BCL2A1: variants seen among roughly 807,000 people sequenced by gnomAD.
BCL2A1 encodes BCL2 related protein A1, also known as bcl-2-related protein A1.
BCL2A1 carries 10 observed loss-of-function variants against 14.4 expected under a neutral mutation model. The observed-to-expected ratio is 0.69, with a 90% CI of 0.43 to 1.18. The LOEUF is 1.18. Among genes scored for constraint, BCL2A1 ranks in the 50% most tolerant of loss-of-function variants. BCL2A1 has a pLI of 0.00. For missense variants in BCL2A1, 158 were observed against 205.0 expected (o/e 0.77, Z 1.40); for synonymous variants, 71 against 76.5 (o/e 0.93, Z 0.38).
chr15:79,962,194 G>A (rs2035495897), intron 1 of BCL2A1, among the ~76,000 whole-genome samples: 2 of 152,110 alleles, frequency 1.3e-5, no homozygotes, highest in African/African-American at 4.8e-5. Flanking sequence ...AATGTAAACC[G>A]AGCATAACTC....
chr15:79,961,344 T>G (rs1265013832), intron 1 of BCL2A1, among the ~76,000 whole-genome samples, 170 bp from the exon 2 acceptor site: 1 of 152,234 alleles, frequency 6.6e-6, no homozygotes, highest in Non-Finnish European at 1.5e-5. Flanking sequence ...CGTCTGTAAT[T>G]TAAATTTTTT....
intron 1 of BCL2A1, among the ~76,000 whole-genome samples, chr15:79,964,468 A>G (rs1166283953): frequency 6.6e-6 from 1 of 152,178 alleles, no homozygotes; most frequent in Non-Finnish European, 1.5e-5. Flanking sequence ...CCCTGTTTCA[A>G]AAAAACAAAC....
In BCL2A1 at chr15:79,971,077, C is replaced by A; in HGVS notation, c.43G>T (p.Asp15Tyr). Reference sequence around the variant, plus strand: ...ATCTGTAGGACGCACTGCAGATAGTCCTGAGCCAGCCTGTAAATATATCCA... The same window carrying A: ...ATCTGTAGGACGCACTGCAGATAGTACTGAGCCAGCCTGTAAATATATCCA... Reference protein sequence around the residue: ...EFGYIYRLAQDYLQCVLQIPQ... With the variant: ...EFGYIYRLAQYYLQCVLQIPQ... The change falls in exon 1 of 2, where the codon GAC becomes TAC. Residue 15 changes from aspartate (D) to tyrosine (Y), a missense_variant. Asp to Tyr is a radical substitution (Grantham distance 160). Transcript: ENST00000267953. The A allele has an allele frequency of 6.2e-7, 1 of 1,614,054 alleles. No individual in the cohort carries two copies. The highest frequency in any genetic ancestry group is 1.1e-5 in the South Asian group (1 of 91,074).
At chr15:79,967,681 G>A in intron 1 of BCL2A1, 1 of 1,557,614 alleles carries the variant, frequency 6.4e-7, no homozygotes, top group Middle Eastern at 1.7e-4. Context: ...GTGTGTGATT[G>A]TGCCATTTCC....
At chr15:79,966,422 T>G (rs1231172525) in intron 1 of BCL2A1, among the ~76,000 whole-genome samples, 1 of 152,170 alleles carries the variant, frequency 6.6e-6, no homozygotes, top group Non-Finnish European at 1.5e-5. Context: ...ATGCTAGGCA[T>G]GAGGTACACA....
chr15:79,967,942 A>G (rs967049311), intron 1 of BCL2A1, among the ~76,000 whole-genome samples: 2 of 151,834 alleles, frequency 1.3e-5, no homozygotes, highest in African/African-American at 2.4e-5. Context: ...AAAAAAAAAA[A>G]GAGCTTGGAA....
chr15:79,964,659 T>A (rs1318503687), intron 1 of BCL2A1, among the ~76,000 whole-genome samples: 1 of 152,198 alleles, frequency 6.6e-6, no homozygotes, highest in Non-Finnish European at 1.5e-5. Flanking sequence ...AAGCTTACAT[T>A]TTCACGGCAG....
chr15:79,964,457 A>G (rs2035519044), intron 1 of BCL2A1, among the ~76,000 whole-genome samples: 1 of 152,156 alleles, frequency 6.6e-6, no homozygotes, highest in South Asian at 2.1e-4. Context: ...TGACAGCAAG[A>G]CCCTGTTTCA....
intron 1 of BCL2A1, among the ~76,000 whole-genome samples, chr15:79,969,941 A>G (rs1011055240): frequency 6.6e-6 from 1 of 152,088 alleles, no homozygotes; most frequent in Non-Finnish European, 1.5e-5. Context: ...ATATAAAGGA[A>G]ACCATATACA....
At chr15:79,968,795 T>C (rs1408166742) in intron 1 of BCL2A1, among the ~76,000 whole-genome samples, 1 of 152,156 alleles carries the variant, frequency 6.6e-6, no homozygotes, top group Non-Finnish European at 1.5e-5. Flanking sequence ...CTGGGTGTGG[T>C]GGCACATGCC....
chr15:79,968,901 G>T lies in BCL2A1; in HGVS notation c.420+1799C>A, dbSNP rs1295538954. On this transcript the variant is annotated intron_variant, in intron 1 of 1. Transcript: ENST00000267953. ...GCTGAGATCACACCACTGCACTCCA[G>T]CCTGGGCAACAAGAATGAAAACTCT... is the stretch of plus-strand genomic sequence containing the variant. Among the ~76,000 whole-genome samples, 4 of 152,192 alleles carry T rather than the reference G, an allele frequency of 2.6e-5. No homozygotes were observed. The East Asian group carries it at 5.8e-4, about 22-fold the overall frequency.
intron 1 of BCL2A1, among the ~76,000 whole-genome samples, chr15:79,965,311 T>C (rs998924035): frequency 6.6e-6 from 1 of 152,096 alleles, no homozygotes; most frequent in Middle Eastern, 3.2e-3. Flanking sequence ...GTATTTTTAG[T>C]AGAGACGGGG....
At chr15:79,962,193 C>A (rs1369968785) in intron 1 of BCL2A1, among the ~76,000 whole-genome samples, 1 of 152,112 alleles carries the variant, frequency 6.6e-6, no homozygotes, top group Non-Finnish European at 1.5e-5. Flanking sequence ...AAATGTAAAC[C>A]GAGCATAACT....
intron 1 of BCL2A1, among the ~76,000 whole-genome samples, chr15:79,962,692 C>T (rs766910087): frequency 1.3e-4 from 19 of 151,366 alleles, no homozygotes; most frequent in Admixed American, 2.0e-4. Flanking sequence ...GGACTACAGA[C>T]GCGCACCACC....
chr15:79,967,642 C>T (rs1401467778), intron 1 of BCL2A1: 1 of 1,597,026 alleles, frequency 6.3e-7, no homozygotes, highest in African/African-American at 1.3e-5. Flanking sequence ...CTTACCTCTT[C>T]TTGTGGGCCA....
At chr15:79,968,136 A>C (rs1028585948) in intron 1 of BCL2A1, among the ~76,000 whole-genome samples, 14 of 152,244 alleles carry the variant, frequency 9.2e-5, no homozygotes, top group Non-Finnish European at 2.1e-4. Context: ...AGGAGCTCAC[A>C]AAATTTATTG....
intron 1 of BCL2A1, 89 bp from the exon 2 acceptor site, chr15:79,961,263 C>T: frequency 3.2e-6 from 4 of 1,253,616 alleles, no homozygotes. Context: ...TTAAATAGTG[C>T]AAATAGTTAA....
rs2035488309 is a variant in BCL2A1 at position 79,961,287 on chromosome 15, C to T, written c.421-113G>A. On this transcript the variant is annotated intron_variant, in intron 1 of 1. Coordinates refer to ENST00000267953, the MANE Select transcript of BCL2A1 (RefSeq NM_004049.4). ...GCAAATAGTTAATCTTCTACCCCTT[C>T]TACCCCTGTTAAGCAGCAGCATCTA... 8 of 997,872 alleles carry T rather than the reference C, an allele frequency of 8.0e-6. No individual in the cohort carries two copies. The South Asian group carries it at 1.3e-4, about 16-fold the overall frequency. 61.8% of individuals were successfully genotyped at this position (997,872 alleles called of 1,614,324 possible). A position where few individuals can be genotyped will look rare whatever the true frequency, so the allele number is the denominator to read the frequency against.
At chr15:79,964,594 T>C (rs528570238) in intron 1 of BCL2A1, among the ~76,000 whole-genome samples, 21 of 152,348 alleles carry the variant, frequency 1.4e-4, no homozygotes, top group Non-Finnish European at 2.5e-4. Flanking sequence ...CAGGTACCAT[T>C]TAAAGCACTG....
Sources: gnomAD v4.1 joint callset for allele counts (sites outside exome capture counted in the v4.1 genomes callset) on GRCh38, gnomAD v4.1.1 for gene constraint, MANE v1.5 for transcripts, NCBI Gene and HGNC (gene_info 2026-07-23, HGNC 2026-07-21) for gene names.